Variants in BCKDHA observed in about 807,000 individuals in gnomAD.
BCKDHA encodes the protein branched chain keto acid dehydrogenase E1 subunit alpha, also known as 2-oxoisovalerate dehydrogenase subunit alpha, mitochondrial.
BCKDHA carries 43 observed loss-of-function variants against 52.2 expected under a neutral mutation model. The ratio of observed to expected loss-of-function variants is 0.82; its 90% confidence interval spans 0.64 to 1.06. The LOEUF (loss-of-function observed/expected upper bound fraction) is 1.06, where lower values mean the gene tolerates loss of function less well. Ranked by LOEUF, BCKDHA falls within the 50% of genes least tolerant of loss-of-function variation. The probability of loss-of-function intolerance (pLI) is 0.00; values close to 1 mark genes in which losing one functional copy is unlikely to be tolerated. For synonymous variants in BCKDHA, 234 were observed against 247.9 expected (o/e 0.94, Z 0.53); for missense variants, 527 against 621.3 (o/e 0.85, Z 1.61).
rs180822781 is a variant in BCKDHA, at chr19:41,403,538, G to A, written c.108+5603G>A. 8.5e-4 allele frequency among the ~76,000 whole-genome samples: 130 copies of A among 152,312 alleles called. 1 individual carries two copies. Among genetic ancestry groups the A allele is most frequent in the Non-Finnish European group, 1.0e-3 (69 of 68,016 alleles). Reference sequence around the variant, plus strand: ...ATGCCAGTCTTCAGGGTCCCAGGGCGCCAGGCTTTCTTCTCTTGCCTTGGA... The same window carrying A: ...ATGCCAGTCTTCAGGGTCCCAGGGCACCAGGCTTTCTTCTCTTGCCTTGGA... On this transcript the variant is annotated intron_variant, in intron 1 of 8. Coordinates refer to ENST00000269980, the MANE Select transcript of BCKDHA (RefSeq NM_000709.4).
intron 4 of BCKDHA, among the ~76,000 whole-genome samples, chr19:41,416,213 G>C (rs1188999727): frequency 6.6e-6 from 1 of 152,088 alleles, no homozygotes; most frequent in Non-Finnish European, 1.5e-5. Flanking sequence ...CAAAGTGCTG[G>C]GGATTACAGG....
intron 1 of BCKDHA, among the ~76,000 whole-genome samples, chr19:41,405,033 A>G (rs1010670867): frequency 6.6e-6 from 1 of 152,166 alleles, no homozygotes; most frequent in African/African-American, 2.4e-5. Context: ...AGTGTTTGTC[A>G]TTCATCCCTC....
intron 4 of BCKDHA, chr19:41,418,804 T>G: frequency 2.2e-6 from 1 of 448,546 alleles, no homozygotes; most frequent in Middle Eastern, 4.8e-4. Flanking sequence ...CCTCTCAAAG[T>G]GCTGGGATTA....
At chr19:41,397,991 A>G (rs2039094935) in intron 1 of BCKDHA, 56 bp downstream of exon 1, 15 of 1,461,092 alleles carry the variant, frequency 1.0e-5, no homozygotes, top group African/African-American at 1.4e-5. Flanking sequence ...TGTAAAGGCT[A>G]TCTTCAGAGT....
At chr19:41,418,971 G>C in intron 4 of BCKDHA, 164 bp from the exon 5 acceptor site, 1 of 752,428 alleles carries the variant, frequency 1.3e-6, no homozygotes, top group East Asian at 2.7e-5. Context: ...TGAAAAATCA[G>C]ATTGGCCTTG....
At chr19:41,410,174 G>C (rs558572862) in intron 1 of BCKDHA, among the ~76,000 whole-genome samples, 1 of 152,136 alleles carries the variant, frequency 6.6e-6, no homozygotes, top group Non-Finnish European at 1.5e-5. Context: ...GAAGAGAGCT[G>C]GTCTGTATGC....
chr19:41,424,372 C>T lies in BCKDHA; in HGVS notation c.1168-66C>T, dbSNP rs78812877. ...AGTGGTTAATTCCTTGCCAAGGCCC[C>T]GCAGGAGGAAGCAGGGTCCTGCATG... On this transcript the variant is annotated intron_variant, in intron 8 of 8. Coordinates refer to ENST00000269980, the MANE Select transcript of BCKDHA (RefSeq NM_000709.4). The T allele has an allele frequency of 5.3e-3, 8,477 of 1,585,948 alleles. 357 individuals are homozygous for T. In the African/African-American group the frequency reaches 0.095, roughly 18 times the overall value.
chr19:41,424,517 TGCCC>T lies in BCKDHA; in HGVS notation c.1252_1255del (p.Ala418SerfsTer66), dbSNP rs2039406304. 6.2e-7 allele frequency: 1 copy of T among 1,614,008 alleles called. No homozygotes were observed. The highest frequency in any genetic ancestry group is 1.7e-5 in the Admixed American group (1 of 59,998). ...CTCTTCTCAGACGTGTATCAGGAGA[TGCCC>T]GCCCAGCTCCGCAAGCAGCAGGAGT... On this transcript the variant is annotated frameshift_variant, in exon 9 of 9. Transcript: ENST00000269980. LOFTEE classifies it high-confidence loss of function.
At chr19:41,422,047 T>A in intron 5 of BCKDHA, 117 bp from the exon 6 acceptor site, 4 of 1,022,600 alleles carry the variant, frequency 3.9e-6, no homozygotes, top group Non-Finnish European at 5.9e-6. Flanking sequence ...TCCTTTCCCC[T>A]TGAAGCCTGG....
chr19:41,416,202 C>T (rs2039306293), intron 4 of BCKDHA, among the ~76,000 whole-genome samples: 1 of 152,228 alleles, frequency 6.6e-6, no homozygotes, highest in Admixed American at 6.5e-5. Context: ...CCTTGGCCTC[C>T]CAAAGTGCTG....
chr19:41,406,357 G>A (rs1376065611), intron 1 of BCKDHA, among the ~76,000 whole-genome samples: 4 of 152,086 alleles, frequency 2.6e-5, no homozygotes, highest in Non-Finnish European at 5.9e-5. Flanking sequence ...TCTCCCCTGT[G>A]CCTCAGTCTC....
chr19:41,415,656 T>C (rs1186691666), intron 4 of BCKDHA, among the ~76,000 whole-genome samples: 3 of 148,694 alleles, frequency 2.0e-5, no homozygotes, highest in Non-Finnish European at 4.5e-5. Context: ...TTCTTCTCCT[T>C]TTTTTTTTTT....
intron 1 of BCKDHA, chr19:41,399,722 C>A (rs557338497): frequency 7.0e-6 from 1 of 141,892 alleles, no homozygotes; most frequent in African/African-American, 3.0e-5. Flanking sequence ...TTTTCCCTTT[C>A]CTTTCCTTTC....
chr19:41,412,195 T>C (rs1382308229), intron 3 of BCKDHA, among the ~76,000 whole-genome samples: 4 of 150,922 alleles, frequency 2.7e-5, no homozygotes, highest in Non-Finnish European at 4.4e-5. Flanking sequence ...AAACTAATCC[T>C]GTCTGAACTT....
intron 3 of BCKDHA, 127 bp from the exon 4 acceptor site, chr19:41,413,922 C>T (rs1473215737): frequency 3.7e-6 from 3 of 818,282 alleles, no homozygotes; most frequent in African/African-American, 3.4e-5. Context: ...CATGGCCTGG[C>T]CCAGGACTGG....
At chr19:41,411,679 T>C (rs1334659109) in intron 3 of BCKDHA, among the ~76,000 whole-genome samples, 1 of 152,202 alleles carries the variant, frequency 6.6e-6, no homozygotes, top group African/African-American at 2.4e-5. Flanking sequence ...AATGTATTAA[T>C]AATACTTTAG....
At chr19:41,400,972 A>G (rs909226026) in intron 1 of BCKDHA, among the ~76,000 whole-genome samples, 2 of 151,894 alleles carry the variant, frequency 1.3e-5, no homozygotes, top group Non-Finnish European at 2.9e-5. Flanking sequence ...AGATCGCACC[A>G]CTATACCCCA....
At chr19:41,401,719 G>C (rs1273847118) in intron 1 of BCKDHA, among the ~76,000 whole-genome samples, 1 of 152,180 alleles carries the variant, frequency 6.6e-6, no homozygotes, top group Non-Finnish European at 1.5e-5. Context: ...GCCTGGGCTT[G>C]GCTAAGTCAT....
intron 1 of BCKDHA, among the ~76,000 whole-genome samples, chr19:41,407,517 T>C (rs1338062332): frequency 6.6e-6 from 1 of 152,102 alleles, no homozygotes; most frequent in Non-Finnish European, 1.5e-5. Context: ...TGCTGGGTAC[T>C]CAGAAGGGGG....
Sources: gnomAD v4.1 joint callset for allele counts (sites outside exome capture counted in the v4.1 genomes callset) on GRCh38, gnomAD v4.1.1 for gene constraint, MANE v1.5 for transcripts, NCBI Gene and HGNC (gene_info 2026-07-23, HGNC 2026-07-21) for gene names.